Variants in ARL3 observed in about 807,000 individuals in gnomAD.
ARL3 encodes the protein ARF like GTPase 3.
ARL3 carries 9 observed loss-of-function variants against 26.0 expected under a neutral mutation model. That is an observed-to-expected ratio of 0.35 (90% CI 0.21 to 0.60). The LOEUF (loss-of-function observed/expected upper bound fraction) is 0.60, where lower values mean the gene tolerates loss of function less well. ARL3 is among the 20% of genes least tolerant of loss of function. The probability of loss-of-function intolerance (pLI) is 0.78; values close to 1 mark genes in which losing one functional copy is unlikely to be tolerated. For synonymous variants in ARL3, 71 were observed against 78.4 expected (o/e 0.91, Z 0.50); for missense variants, 158 against 215.7 (o/e 0.73, Z 1.67).
intron 4 of ARL3, among the ~76,000 whole-genome samples, chr10:102,687,170 C>T (rs112731942): frequency 0.018 from 2,684 of 151,826 alleles, 24 homozygotes; most frequent in Non-Finnish European, 0.027. Context: ...TGAGCCACCG[C>T]GCCCGGCATA....
chr10:102,686,069 T>TA, intron 4 of ARL3, 68 bp from the exon 5 acceptor site: 22 of 1,129,106 alleles, frequency 1.9e-5, no homozygotes, highest in South Asian at 3.3e-5. Context: ...AACCATACAC[T>TA]ACTTTTTTTT....
At chr10:102,681,540 G>A (rs1026111551) in intron 5 of ARL3, among the ~76,000 whole-genome samples, 1 of 152,092 alleles carries the variant, frequency 6.6e-6, no homozygotes, top group African/African-American at 2.4e-5. Context: ...CTCGGCGCTC[G>A]GACTGCTCAT....
At chr10:102,701,451 A>G (rs1182145429) in intron 2 of ARL3, among the ~76,000 whole-genome samples, 2 of 152,216 alleles carry the variant, frequency 1.3e-5, no homozygotes, top group Admixed American at 6.5e-5. Flanking sequence ...TCTGGAGGAT[A>G]ACTGGGGATC....
chr10:102,678,405 G>A (rs2064140637), intron 5 of ARL3, among the ~76,000 whole-genome samples: 1 of 151,938 alleles, frequency 6.6e-6, no homozygotes, highest in African/African-American at 2.4e-5. Context: ...GTAGCTAATT[G>A]GTTTCCAGGA....
At chr10:102,711,916 C>A (rs1452961205) in intron 1 of ARL3, among the ~76,000 whole-genome samples, 1 of 151,976 alleles carries the variant, frequency 6.6e-6, no homozygotes, top group South Asian at 2.1e-4. Flanking sequence ...TAATTTTTCA[C>A]GGGCCATTTT....
At chr10:102,695,949 AC>A (rs2064244999) in intron 3 of ARL3, among the ~76,000 whole-genome samples, 1 of 151,586 alleles carries the variant, frequency 6.6e-6, no homozygotes, top group Non-Finnish European at 1.5e-5. Flanking sequence ...GGCTGGAGTG[AC>A]CACCATGCCC....
At chr10:102,691,029 CATTTA>C (rs1043021687) in intron 3 of ARL3, among the ~76,000 whole-genome samples, 1 of 151,894 alleles carries the variant, frequency 6.6e-6, no homozygotes, top group Non-Finnish European at 1.5e-5. Context: ...TTTAGAGAAC[CATTTA>C]ATTTAATACT....
At chr10:102,679,350 G>A (rs1590118322) in intron 5 of ARL3, among the ~76,000 whole-genome samples, 1 of 152,326 alleles carries the variant, frequency 6.6e-6, no homozygotes, top group African/African-American at 2.4e-5. Context: ...TATATTCCCA[G>A]AACCTAACAT....
chr10:102,712,025 A>T (rs765850674), intron 1 of ARL3, among the ~76,000 whole-genome samples: 3 of 152,202 alleles, frequency 2.0e-5, no homozygotes, highest in Non-Finnish European at 2.9e-5. Context: ...GTGCTCCATA[A>T]ATAATTACTG....
At chr10:102,689,306 C>T (rs748592959) in intron 4 of ARL3, among the ~76,000 whole-genome samples, 2 of 151,862 alleles carry the variant, frequency 1.3e-5, no homozygotes, top group Non-Finnish European at 2.9e-5. Flanking sequence ...GCCTGGGTGA[C>T]AAGAGTGAAA....
rs759728586 is a variant in ARL3 at position 102,685,873 on chromosome 10, G to A, written c.444C>T (p.Ile148=). The change falls in exon 5 of 6, where the codon ATC becomes ATT. Residue 148 remains isoleucine (I), a synonymous_variant. Coordinates refer to ENST00000260746, the MANE Select transcript of ARL3 (RefSeq NM_004311.4). The stretch of plus-strand genomic sequence containing the variant: ...ACTGGATCTGCCAGACTCGGTCGCG[G>A]ATGGTATGCAGGTTCAGTCCTTCTG... The part of the protein sequence containing the change: ...EIAEGLNLHT[I]RDRVWQIQSC... 1 of 1,614,126 alleles carries A rather than the reference G, an allele frequency of 6.2e-7. No individual in the cohort carries two copies. Among genetic ancestry groups the A allele is most frequent in the Non-Finnish European group, 8.5e-7 (1 of 1,180,028 alleles).
intron 3 of ARL3, among the ~76,000 whole-genome samples, chr10:102,696,266 C>T (rs1209800755): frequency 9.6e-6 from 1 of 103,966 alleles, no homozygotes; most frequent in Non-Finnish European, 2.0e-5. Context: ...GCCTGGCCAA[C>T]ATTTTTTTTT....
At chr10:102,708,309 A>G (rs2064319784) in intron 1 of ARL3, among the ~76,000 whole-genome samples, 1 of 152,162 alleles carries the variant, frequency 6.6e-6, no homozygotes, top group African/African-American at 2.4e-5. Flanking sequence ...ACCTTTCAGA[A>G]AAGTAAAAAT....
rs2064123615 is a variant in ARL3 at position 102,675,094 on chromosome 10, T to G, written c.*1800A>C. The G allele has an allele frequency of 6.6e-6, 1 of 152,180 alleles. No homozygotes were observed. The highest frequency in any genetic ancestry group is 2.1e-4 in the South Asian group (1 of 4,832). 9.4% of individuals were successfully genotyped at this position (152,180 alleles called of 1,614,324 possible). On this transcript the variant is annotated 3_prime_UTR_variant, in exon 6 of 6. Coordinates refer to ENST00000260746, the MANE Select transcript of ARL3 (RefSeq NM_004311.4). ...CATTTGCAGCCTGGTAGAAGGGGGA[T>G]TTCTGATTCCTTATAATTCTGTGTT... is the stretch of plus-strand genomic sequence containing the variant.
At chr10:102,712,781 G>T (rs1225676960) in intron 1 of ARL3, among the ~76,000 whole-genome samples, 2 of 151,666 alleles carry the variant, frequency 1.3e-5, no homozygotes, top group African/African-American at 4.8e-5. Flanking sequence ...CTATTTTCTG[G>T]GTAAATATTT....
At chr10:102,682,109 T>C (rs1003090519) in intron 5 of ARL3, among the ~76,000 whole-genome samples, 3 of 152,158 alleles carry the variant, frequency 2.0e-5, no homozygotes, top group African/African-American at 7.2e-5. Context: ...AGAGTGACAC[T>C]TCCTCCATGT....
chr10:102,692,084 A>T (rs897345045), intron 3 of ARL3, among the ~76,000 whole-genome samples: 1 of 152,184 alleles, frequency 6.6e-6, no homozygotes, highest in Admixed American at 6.5e-5. Context: ...TTTTTGCTGG[A>T]TTGTACGTTA....
At position 102,689,938 on chromosome 10, in the gene ARL3, A is replaced by C; in HGVS notation, c.270T>G (p.Tyr90Ter). 1 of 1,591,386 alleles carries C rather than the reference A, an allele frequency of 6.3e-7. No homozygotes were observed. The part of the protein sequence containing the change: ...NYFENTDILI[Y>*]VIDSADRKRF... ...TTTTTCTGTCTGCACTGTCGATTAC[A>C]TATATCTATAAAGGAAAAGAAGAAG... The change falls in exon 4 of 6, where the codon TAT (tyrosine) becomes TAG (stop). Residue 90 changes from tyrosine (Y) to a stop codon, truncating the protein, a stop_gained. Coordinates refer to ENST00000260746, the MANE Select transcript of ARL3 (RefSeq NM_004311.4). LOFTEE classifies it high-confidence loss of function.
intron 5 of ARL3, among the ~76,000 whole-genome samples, chr10:102,681,177 C>T (rs1250538590): frequency 6.6e-6 from 1 of 151,968 alleles, no homozygotes; most frequent in Non-Finnish European, 1.5e-5. Flanking sequence ...CACCTGAGGT[C>T]AGGAGTTCGA....
Sources: allele counts gnomAD v4.1 joint callset (sites outside exome capture counted in the v4.1 genomes callset), GRCh38; gene constraint gnomAD v4.1.1; transcripts MANE v1.5; gene names NCBI Gene and HGNC (gene_info 2026-07-23, HGNC 2026-07-21).